Variants in ZNF503 observed in about 807,000 individuals in gnomAD.
ZNF503 encodes the protein NocA-like zinc finger 2.
In ZNF503, 15 loss-of-function variants were observed where a neutral mutation model predicts 34.4. The observed-to-expected ratio is 0.44, with a 90% confidence interval of 0.29 to 0.67. ZNF503 has a LOEUF of 0.67. Among genes scored for constraint, ZNF503 ranks in the 30% least tolerant of loss-of-function variants. The pLI is 0.13. For synonymous variants in ZNF503, 580 were observed against 456.8 expected (o/e 1.27, Z -3.44); for missense variants, 1,007 against 926.8 (o/e 1.09, Z -1.12).
the ZNF503 span, among the ~76,000 whole-genome samples, chr10:75,335,198 ATGTGTG>A: frequency 1.3e-5 from 2 of 151,684 alleles, no homozygotes; most frequent in Non-Finnish European, 2.9e-5. Flanking sequence ...ATAATTTAGA[ATGTGTG>A]TGTGTGTGTA....
rs923803746 is a variant in ZNF503, at chr10:75,401,375, G to C, written c.45C>G (p.His15Gln). ...PSLSALRSSK[H>Q]SGGGGGGGGG... is the part of the protein sequence containing the mutation. ...CGCCTCCGCCGCCGCCGCCGCCGCT[G>C]TGCTTACTGCTTCTTAGGGCAGAAA... is the stretch of plus-strand genomic sequence containing the variant. Residue 15 changes from histidine (H) to glutamine (Q), a missense_variant, in exon 1 of 2, where the codon CAC (histidine) becomes CAG (glutamine). His to Gln is a conservative substitution (Grantham distance 24, BLOSUM62 0). Transcript: ENST00000372524. The C allele has an allele frequency of 6.5e-7, 1 of 1,539,594 alleles. No homozygotes were observed. The highest frequency in any genetic ancestry group is 8.7e-7 in the Non-Finnish European group (1 of 1,146,424).
chr10:75,365,143 C>T, the ZNF503 span, among the ~76,000 whole-genome samples: 1 of 152,160 alleles, frequency 6.6e-6, no homozygotes, highest in Non-Finnish European at 1.5e-5. Context: ...AATAGTCCAT[C>T]TCAGTTTTTC....
intron 1 of ZNF503, 182 bp downstream of exon 1, chr10:75,400,923 C>G: frequency 1.1e-6 from 1 of 882,152 alleles, no homozygotes; most frequent in Non-Finnish European, 1.7e-6. Context: ...CATGCACGCC[C>G]CATTCCACTT....
intron 1 of ZNF503, 72 bp downstream of exon 1, chr10:75,401,033 C>T: frequency 6.2e-7 from 1 of 1,600,146 alleles, no homozygotes; most frequent in Non-Finnish European, 8.5e-7. Context: ...CGCCCAGATC[C>T]CGAGAAAAAG....
At chr10:75,385,668 T>C in the ZNF503 span, among the ~76,000 whole-genome samples, 1 of 152,178 alleles carries the variant, frequency 6.6e-6, no homozygotes, top group African/African-American at 2.4e-5. Flanking sequence ...CAATTTAGCC[T>C]TGGAAGTCCC....
the ZNF503 span, among the ~76,000 whole-genome samples, chr10:75,343,797 T>C: frequency 6.6e-6 from 1 of 151,880 alleles, no homozygotes; most frequent in Admixed American, 6.6e-5. Flanking sequence ...AGCACAGAGG[T>C]TGGGAAAAAG....
At chr10:75,284,565 T>C in the ZNF503 span, among the ~76,000 whole-genome samples, 1 of 152,132 alleles carries the variant, frequency 6.6e-6, no homozygotes, top group Non-Finnish European at 1.5e-5. Context: ...ATGTGGGGAA[T>C]GGTAGTGGTG....
chr10:75,354,137 T>A, the ZNF503 span, among the ~76,000 whole-genome samples: 9 of 152,216 alleles, frequency 5.9e-5, 1 homozygote, highest in South Asian at 1.9e-3. Context: ...CATTCTCCAC[T>A]CTCCCTTGGG....
chr10:75,346,928 G>A, the ZNF503 span, among the ~76,000 whole-genome samples: 438 of 152,118 alleles, frequency 2.9e-3, 2 homozygotes, highest in African/African-American at 0.01. Flanking sequence ...GATTACAGGC[G>A]TTAGCTGCCG....
At chr10:75,365,679 G>A in the ZNF503 span, among the ~76,000 whole-genome samples, 1 of 152,262 alleles carries the variant, frequency 6.6e-6, no homozygotes, top group Non-Finnish European at 1.5e-5. Context: ...TAACCTATCT[G>A]TGCTTCAGCT....
Position 75,398,733 on chromosome 10 carries a change from G to A in ZNF503, c.*16C>T, listed in dbSNP as rs1378637255. On this transcript the variant is annotated 3_prime_UTR_variant, in exon 2 of 2. Transcript: ENST00000372524. ...CCCCTCTCCCTCCTCTCCCTCGCTC[G>A]CCCTCCCGGCCGCCCTCACTGATAC... The A allele has an allele frequency of 1.5e-6, 2 of 1,349,918 alleles. No homozygotes were observed. The highest frequency in any genetic ancestry group is 9.5e-7 in the Non-Finnish European group (1 of 1,054,890). The allele number at this position is 1,349,918 out of a possible 1,614,324, so 83.6% of individuals were successfully genotyped here. A position where few individuals can be genotyped will look rare whatever the true frequency, so the allele number is the denominator to read the frequency against.
the ZNF503 span, among the ~76,000 whole-genome samples, chr10:75,334,139 G>A: frequency 5.4e-5 from 8 of 149,200 alleles, no homozygotes; most frequent in East Asian, 4.0e-4. Flanking sequence ...ACGGGGTGGC[G>A]GCCGGGCAGA....
chr10:75,329,444 TTTC>T, the ZNF503 span, among the ~76,000 whole-genome samples: 3 of 135,074 alleles, frequency 2.2e-5, no homozygotes, highest in East Asian at 6.2e-4. Flanking sequence ...CCTTTCTTTC[TTTC>T]TTTCTTTCTT....
At chr10:75,396,664 G>C (rs901250590), downstream of ZNF503, among the ~76,000 whole-genome samples, 14 of 152,254 alleles carry the variant, frequency 9.2e-5, no homozygotes, top group African/African-American at 3.4e-4. This position sits in a 1 kb window ranked among gnomAD's most constrained non-coding sequence, Gnocchi z 4.4. Flanking sequence ...CGGAGAAACC[G>C]GAAGAGCCTG....
chr10:75,307,908 A>T, the ZNF503 span, among the ~76,000 whole-genome samples: 1 of 152,014 alleles, frequency 6.6e-6, no homozygotes, highest in Non-Finnish European at 1.5e-5. Flanking sequence ...GCAAGACCCC[A>T]TCTCTACAAA....
At chr10:75,368,734 A>G in the ZNF503 span, among the ~76,000 whole-genome samples, 1 of 152,186 alleles carries the variant, frequency 6.6e-6, no homozygotes, top group Non-Finnish European at 1.5e-5. Context: ...GGCAAAGCCA[A>G]CTCTCTGGGA....
At chr10:75,331,495 T>C in the ZNF503 span, among the ~76,000 whole-genome samples, 1 of 152,186 alleles carries the variant, frequency 6.6e-6, no homozygotes, top group Non-Finnish European at 1.5e-5. Context: ...TGTCACCAAG[T>C]GGGAATGCAG....
the ZNF503 span, among the ~76,000 whole-genome samples, chr10:75,295,362 A>AG: frequency 4.0e-5 from 6 of 151,852 alleles, no homozygotes; most frequent in South Asian, 4.2e-4. The surrounding 1 kb of genome is among the most constrained non-coding windows in gnomAD (Gnocchi z 4.0). Context: ...CCAGAGGTTG[A>AG]GGGGGGGAAA....
chr10:75,291,704 C>T, the ZNF503 span, among the ~76,000 whole-genome samples: 2 of 152,234 alleles, frequency 1.3e-5, no homozygotes, highest in African/African-American at 4.8e-5. Flanking sequence ...ACTGTAACTG[C>T]TGCTGCTGTG....
Sources: allele counts gnomAD v4.1 joint callset (sites outside exome capture counted in the v4.1 genomes callset), GRCh38; gene constraint gnomAD v4.1.1; non-coding constraint Gnocchi (gnomAD v3.1); transcripts MANE v1.5; gene names NCBI Gene and HGNC (gene_info 2026-07-23, HGNC 2026-07-21).